PLCL2: variants seen among roughly 807,000 people sequenced by gnomAD.
PLCL2 encodes the protein inactive phospholipase C-like protein 2.
PLCL2 carries 4 observed loss-of-function variants against 79.6 expected under a neutral mutation model. The observed-to-expected ratio is 0.05, with a 90% CI of 0.02 to 0.11. PLCL2 has a LOEUF of 0.11. Ranked by LOEUF, PLCL2 falls within the 10% of genes least tolerant of loss-of-function variation. The pLI is 1.00. For missense variants in PLCL2, 895 were observed against 1,291.0 expected (o/e 0.69, Z 4.70); for synonymous variants, 484 against 457.7 (o/e 1.06, Z -0.73).
chr3:17,051,698 C>G (rs938834971), intron 4 of PLCL2, among the ~76,000 whole-genome samples: 7 of 152,098 alleles, frequency 4.6e-5, no homozygotes, highest in Non-Finnish European at 1.0e-4. Context: ...AATGCCCAAG[C>G]CTTAAAGGGG....
chr3:17,032,800 A>G (rs1183112163), intron 3 of PLCL2, among the ~76,000 whole-genome samples: 1 of 152,214 alleles, frequency 6.6e-6, no homozygotes, highest in Non-Finnish European at 1.5e-5. Flanking sequence ...TGAATGCAGG[A>G]GACACCCATA....
chr3:16,901,677 C>T (rs1287250983), intron 1 of PLCL2, among the ~76,000 whole-genome samples: 1 of 152,196 alleles, frequency 6.6e-6, no homozygotes, highest in Non-Finnish European at 1.5e-5. Context: ...TCTTTAACTT[C>T]TCTGTCTGTG....
chr3:17,040,296 A>T (rs1014237431), intron 3 of PLCL2, among the ~76,000 whole-genome samples: 2 of 152,164 alleles, frequency 1.3e-5, no homozygotes, highest in Non-Finnish European at 1.5e-5. Flanking sequence ...TGGACTCTTG[A>T]GATGGATGTG....
chr3:16,916,224 C>T (rs1323277942), intron 1 of PLCL2, among the ~76,000 whole-genome samples: 1 of 152,188 alleles, frequency 6.6e-6, no homozygotes, highest in Non-Finnish European at 1.5e-5. Flanking sequence ...TAAGACTATT[C>T]AGCCCCTTAA....
At chr3:16,896,595 C>A (rs1452422891) in intron 1 of PLCL2, among the ~76,000 whole-genome samples, 1 of 152,222 alleles carries the variant, frequency 6.6e-6, no homozygotes, top group Non-Finnish European at 1.5e-5. Flanking sequence ...CTGCTCTTCA[C>A]ATAACAGTTT....
At chr3:17,035,715 A>G in intron 3 of PLCL2, 1 of 505,390 alleles carries the variant, frequency 2.0e-6, no homozygotes, top group South Asian at 1.4e-5. Context: ...GTAGAAGTTT[A>G]TATCTTATCC....
chr3:16,912,619 T>C (rs1173488424), intron 1 of PLCL2, among the ~76,000 whole-genome samples: 2 of 152,216 alleles, frequency 1.3e-5, no homozygotes, highest in Non-Finnish European at 2.9e-5. Context: ...ATGAGCAACA[T>C]TGCTCAAAAA....
At position 17,067,294 on chromosome 3, in the gene PLCL2, G is replaced by GA. The variant is rs752665005; in HGVS notation, c.3095-654dup. ...AGGAATTAAGATTTTCCACCTAATG[G>GA]AAAAAAAAGCATAAAATTTTTAAAT... On this transcript the variant is annotated intron_variant, in intron 4 of 5. Transcript: ENST00000615277. 3.3e-5 allele frequency among the ~76,000 whole-genome samples: 5 copies of GA among 151,644 alleles called. No individual in the cohort carries two copies. In the South Asian group the frequency reaches 6.3e-4, roughly 19 times the overall value.
chr3:17,020,154 G>C (rs1353646078), intron 3 of PLCL2, among the ~76,000 whole-genome samples: 3 of 152,106 alleles, frequency 2.0e-5, no homozygotes, highest in Admixed American at 2.0e-4. Context: ...TTTTAAACTT[G>C]AATGTTTAAA....
At chr3:17,052,122 A>G (rs1181681387) in intron 4 of PLCL2, among the ~76,000 whole-genome samples, 2 of 152,122 alleles carry the variant, frequency 1.3e-5, no homozygotes, top group Non-Finnish European at 2.9e-5. Flanking sequence ...AGAAAAATCC[A>G]TGAAAGTCAT....
intron 1 of PLCL2, among the ~76,000 whole-genome samples, chr3:16,963,595 T>A (rs924678969): frequency 6.6e-6 from 1 of 152,190 alleles, no homozygotes; most frequent in Admixed American, 6.5e-5. Flanking sequence ...TCCTTGTGAC[T>A]GAATTCTTTG....
chr3:16,926,442 G>A (rs1559487602), intron 1 of PLCL2, among the ~76,000 whole-genome samples: 1 of 152,036 alleles, frequency 6.6e-6, no homozygotes, highest in Non-Finnish European at 1.5e-5. Context: ...CAAAACAGTT[G>A]CCTGGCATTT....
intron 3 of PLCL2, among the ~76,000 whole-genome samples, chr3:17,029,366 A>AG (rs1440255631): frequency 1.5e-4 from 23 of 148,424 alleles, no homozygotes; most frequent in South Asian, 1.3e-3. Flanking sequence ...AAAGAAAGAA[A>AG]AAAAAAAACA....
intron 1 of PLCL2, among the ~76,000 whole-genome samples, chr3:16,977,060 T>G (rs1559505271): frequency 6.6e-6 from 1 of 152,016 alleles, no homozygotes; most frequent in East Asian, 1.9e-4. Context: ...AAAATCAAAG[T>G]CTTCCAAGTT....
intron 1 of PLCL2, among the ~76,000 whole-genome samples, chr3:16,890,431 A>C (rs1021435968): frequency 6.6e-6 from 1 of 151,988 alleles, no homozygotes; most frequent in African/African-American, 2.4e-5. Context: ...AATGTTATTT[A>C]CTTTATTTTT....
chr3:17,061,403 G>A (rs909320420), intron 4 of PLCL2, among the ~76,000 whole-genome samples: 4 of 152,128 alleles, frequency 2.6e-5, no homozygotes, highest in African/African-American at 7.2e-5. Flanking sequence ...TCCCAGTATA[G>A]TTGTATGCAG....
chr3:17,063,258 CTCCCTTCCTCCCTTCCTCCCTTCA>C (rs1162776030), intron 4 of PLCL2, among the ~76,000 whole-genome samples: 15 of 39,504 alleles, frequency 3.8e-4, no homozygotes, highest in Admixed American at 4.6e-4. Context: ...TCCTCCCTTC[CTCCCTTCCTCCCTTCCTCCCTTCA>C]TTCCTTTCTT....
chr3:17,020,299 T>A (rs888887880), intron 3 of PLCL2, among the ~76,000 whole-genome samples: 14 of 152,230 alleles, frequency 9.2e-5, no homozygotes, highest in Non-Finnish European at 1.9e-4. Flanking sequence ...AGTTTTTTGT[T>A]AATTTTGCTG....
chr3:17,014,584 T>C (rs1157390180), intron 2 of PLCL2, 124 bp from the exon 3 acceptor site: 12 of 764,182 alleles, frequency 1.6e-5, no homozygotes, highest in Non-Finnish European at 2.4e-5. Flanking sequence ...CCAATTCTGT[T>C]ATAACACTGT....
Sources: allele counts gnomAD v4.1 joint callset (sites outside exome capture counted in the v4.1 genomes callset), GRCh38; gene constraint gnomAD v4.1.1; transcripts MANE v1.5; gene names NCBI Gene and HGNC (gene_info 2026-07-23, HGNC 2026-07-21).